HHIP: variants seen among roughly 807,000 people sequenced by gnomAD.
HHIP encodes hedgehog-interacting protein.
HHIP carries 12 observed loss-of-function variants against 74.0 expected under a neutral mutation model. The observed-to-expected ratio is 0.16, with a 90% confidence interval of 0.10 to 0.26. The LOEUF (loss-of-function observed/expected upper bound fraction) is 0.26. HHIP is among the 10% of genes least tolerant of loss of function. The pLI is 1.00. For missense variants in HHIP, 788 were observed against 845.0 expected (o/e 0.93, Z 0.84); for synonymous variants, 309 against 311.6 (o/e 0.99, Z 0.09).
chr4:144,658,907 A>G lies in HHIP; in HGVS notation c.590A>G (p.Asp197Gly), dbSNP rs201325617. ...AGAGGACCAGCATCTAACTACTTGG[A>G]CCAGATGGAAGAATATGACAAAGTG... ...QVRGPASNYLDQMEEYDKVEE... is the reference protein window; with the variant it reads ...QVRGPASNYLGQMEEYDKVEE... The change falls in exon 3 of 13, where the codon GAC (aspartate) becomes GGC (glycine). Residue 197 changes from aspartate (D) to glycine (G), a missense_variant. Asp to Gly is a moderately conservative substitution (Grantham distance 94). This residue lies in a region of HHIP where 373 missense variants were observed against 366.4 expected (regional missense o/e 1.02). Transcript: ENST00000296575. 67 of 1,613,438 alleles carry G rather than the reference A, an allele frequency of 4.2e-5. No individual in the cohort carries two copies. The highest frequency in any genetic ancestry group is 1.8e-4 in the Admixed American group (11 of 59,974).
intron 4 of HHIP, among the ~76,000 whole-genome samples, chr4:144,703,174 A>G (rs1269862644): frequency 6.6e-6 from 1 of 151,600 alleles, no homozygotes; most frequent in Non-Finnish European, 1.5e-5. Flanking sequence ...AGATTGCGCC[A>G]CTGCACTCCA....
At chr4:144,690,321 G>C (rs1448412548) in intron 4 of HHIP, among the ~76,000 whole-genome samples, 1 of 152,146 alleles carries the variant, frequency 6.6e-6, no homozygotes, top group Non-Finnish European at 1.5e-5. Context: ...TATGGGGTAG[G>C]GAGACTGGTA....
At chr4:144,695,783 G>A (rs1375629433) in intron 4 of HHIP, among the ~76,000 whole-genome samples, 4 of 151,774 alleles carry the variant, frequency 2.6e-5, no homozygotes, top group African/African-American at 4.8e-5. Flanking sequence ...TAATAAACCA[G>A]CCACTGGTAA....
chr4:144,720,357 T>C (rs1012445828), intron 11 of HHIP, among the ~76,000 whole-genome samples: 1 of 152,160 alleles, frequency 6.6e-6, no homozygotes, highest in African/African-American at 2.4e-5. Flanking sequence ...ATACAATTAG[T>C]TTCAAAACAG....
chr4:144,728,933 G>C (rs1730872895), intron 11 of HHIP, among the ~76,000 whole-genome samples: 1 of 151,992 alleles, frequency 6.6e-6, no homozygotes, highest in Non-Finnish European at 1.5e-5. Flanking sequence ...AAAACATGCG[G>C]TAAATCCTTC....
intron 4 of HHIP, among the ~76,000 whole-genome samples, chr4:144,686,394 T>C (rs1398435935): frequency 6.6e-6 from 1 of 152,008 alleles, no homozygotes; most frequent in Non-Finnish European, 1.5e-5. Flanking sequence ...TAAAAGTTGT[T>C]CAAGAAAAAA....
At chr4:144,734,579 T>A (rs148167430) in intron 11 of HHIP, among the ~76,000 whole-genome samples, 162 bp from the exon 12 acceptor site, 12 of 151,888 alleles carry the variant, frequency 7.9e-5, no homozygotes, top group African/African-American at 2.9e-4. Flanking sequence ...GGTATGTATT[T>A]CCTATCCTTA....
intron 2 of HHIP, among the ~76,000 whole-genome samples, chr4:144,655,748 AG>A (rs1171232591): frequency 9.1e-6 from 1 of 110,330 alleles, no homozygotes; most frequent in Non-Finnish European, 1.9e-5. Context: ...ATGAAGAGTC[AG>A]TAACTTTTTT....
intron 3 of HHIP, among the ~76,000 whole-genome samples, 192 bp downstream of exon 3, chr4:144,659,138 C>A (rs1355601): frequency 0.34 from 51,778 of 151,988 alleles, 10,888 homozygotes; most frequent in South Asian, 0.52. Flanking sequence ...GACTACTAAT[C>A]GTATATTATG....
intron 4 of HHIP, among the ~76,000 whole-genome samples, chr4:144,693,673 T>C (rs965104439): frequency 2.6e-5 from 4 of 151,986 alleles, no homozygotes; most frequent in African/African-American, 9.7e-5. Flanking sequence ...TAATCTGAAC[T>C]TCATCCAGAT....
chr4:144,675,169 AT>A (rs1258118675), intron 4 of HHIP, among the ~76,000 whole-genome samples: 4 of 152,202 alleles, frequency 2.6e-5, no homozygotes, highest in African/African-American at 9.6e-5. Context: ...TTCCAAATGG[AT>A]TCATAGTTAA....
intron 11 of HHIP, among the ~76,000 whole-genome samples, chr4:144,725,500 T>C (rs944082498): frequency 2.0e-5 from 3 of 152,208 alleles, no homozygotes; most frequent in African/African-American, 7.2e-5. Flanking sequence ...TTGTATGATA[T>C]GAAATTAAAA....
At chr4:144,653,972 GT>G (rs1220964036) in intron 2 of HHIP, among the ~76,000 whole-genome samples, 1 of 152,102 alleles carries the variant, frequency 6.6e-6, no homozygotes, top group African/African-American at 2.4e-5. Context: ...ATAGGTCACG[GT>G]TGCCTAGATG....
intron 4 of HHIP, among the ~76,000 whole-genome samples, chr4:144,703,145 C>T (rs550213882): frequency 8.1e-4 from 122 of 150,878 alleles, no homozygotes; most frequent in African/African-American, 2.7e-3. Context: ...ACCCAGGAGA[C>T]GGAGATTGCA....
intron 4 of HHIP, among the ~76,000 whole-genome samples, chr4:144,673,642 T>C (rs542127175): frequency 2.0e-5 from 3 of 152,266 alleles, no homozygotes; most frequent in Non-Finnish European, 4.4e-5. Flanking sequence ...TATCCTGAAG[T>C]CAGAGAGGAT....
At chr4:144,656,564 T>A (rs1044669746) in intron 2 of HHIP, among the ~76,000 whole-genome samples, 5 of 152,200 alleles carry the variant, frequency 3.3e-5, no homozygotes, top group African/African-American at 4.8e-5. Flanking sequence ...ACATTTTTTT[T>A]AAGCAAGCTT....
At chr4:144,652,881 A>T in intron 2 of HHIP, 84 bp downstream of exon 2, 1 of 925,078 alleles carries the variant, frequency 1.1e-6, no homozygotes, top group Non-Finnish European at 1.6e-6. Context: ...TATTTACAAA[A>T]CTTGTAAAAT....
intron 4 of HHIP, among the ~76,000 whole-genome samples, chr4:144,688,008 A>G (rs1729536273): frequency 1.3e-5 from 2 of 152,014 alleles, no homozygotes; most frequent in South Asian, 2.1e-4. Flanking sequence ...AATGATATAT[A>G]TCTAGCAACT....
intron 4 of HHIP, among the ~76,000 whole-genome samples, chr4:144,690,884 C>T (rs1560707843): frequency 6.6e-6 from 1 of 152,108 alleles, no homozygotes; most frequent in East Asian, 1.9e-4. Context: ...TCATGCTGTC[C>T]ATGATTTTTT....
Sources: allele counts gnomAD v4.1 joint callset (sites outside exome capture counted in the v4.1 genomes callset), GRCh38; gene constraint gnomAD v4.1.1; regional missense constraint gnomAD v4.1.1; transcripts MANE v1.5; gene names NCBI Gene and HGNC (gene_info 2026-07-23, HGNC 2026-07-21).